CYFIP2: variants seen among roughly 807,000 people sequenced by gnomAD.
CYFIP2 encodes cytoplasmic FMR1-interacting protein 2.
CYFIP2 carries 29 observed loss-of-function variants against 158.7 expected under a neutral mutation model. That is an observed-to-expected ratio of 0.18 (90% CI 0.14 to 0.25). The LOEUF (loss-of-function observed/expected upper bound fraction) is 0.25, where lower values mean the gene tolerates loss of function less well. Ranked by LOEUF, CYFIP2 falls within the 10% of genes least tolerant of loss-of-function variation. CYFIP2 has a pLI of 1.00. For missense variants in CYFIP2, 852 were observed against 1,639.5 expected, an observed-to-expected ratio of 0.52 and a Z score of 8.29; for synonymous variants, 585 against 617.6, an observed-to-expected ratio of 0.95 and a Z score of 0.78.
intron 23 of CYFIP2, chr5:157,343,331 G>A: frequency 6.2e-7 from 1 of 1,614,186 alleles, no homozygotes; most frequent in Non-Finnish European, 8.5e-7. Context: ...GTAGAGAGTG[G>A]AAGGGGCAAG....
intron 26 of CYFIP2, chr5:157,363,254 G>A (rs1458986345): frequency 6.6e-6 from 1 of 152,230 alleles, no homozygotes; most frequent in Non-Finnish European, 1.5e-5. Flanking sequence ...ACTCTGGGAT[G>A]CCTCATTCTC....
intron 26 of CYFIP2, among the ~76,000 whole-genome samples, chr5:157,374,693 C>T (rs550837903): frequency 1.6e-4 from 24 of 152,316 alleles, no homozygotes; most frequent in African/African-American, 4.8e-4. Context: ...TGTAGCAAAG[C>T]CCAGGACACT....
intron 5 of CYFIP2, among the ~76,000 whole-genome samples, 186 bp from the exon 6 acceptor site, chr5:157,300,529 G>A (rs1332916042): frequency 7.6e-5 from 7 of 91,550 alleles, no homozygotes; most frequent in South Asian, 4.9e-4. Flanking sequence ...GCAAGACTCC[G>A]TCTCAAAAAA....
intron 4 of CYFIP2, among the ~76,000 whole-genome samples, chr5:157,295,063 C>T (rs1580994873): frequency 6.6e-6 from 1 of 152,320 alleles, no homozygotes; most frequent in Non-Finnish European, 1.5e-5. Flanking sequence ...GGACTTAAAA[C>T]ACATTTGTTC....
chr5:157,347,904 G>C (rs867340860), intron 23 of CYFIP2, among the ~76,000 whole-genome samples: 1 of 152,212 alleles, frequency 6.6e-6, no homozygotes, highest in Admixed American at 6.5e-5. Flanking sequence ...GGAGGCGGAG[G>C]CCAGGGTTCA....
chr5:157,268,929 T>C (rs1490413021), intron 1 of CYFIP2, among the ~76,000 whole-genome samples: 2 of 152,180 alleles, frequency 1.3e-5, no homozygotes, highest in Non-Finnish European at 2.9e-5. Flanking sequence ...TAGAATATCT[T>C]TGGATGCTCT....
chr5:157,326,599 A>G (rs560257065), intron 18 of CYFIP2, among the ~76,000 whole-genome samples: 2 of 152,356 alleles, frequency 1.3e-5, no homozygotes, highest in South Asian at 4.1e-4. Context: ...CCCTAGGGTC[A>G]CACACACCCA....
chr5:157,338,609 A>C (rs1361580146), intron 21 of CYFIP2, among the ~76,000 whole-genome samples: 2 of 151,974 alleles, frequency 1.3e-5, no homozygotes, highest in African/African-American at 4.9e-5. Flanking sequence ...TGGTTGAACC[A>C]GGCAAAATTG....
At chr5:157,376,697 G>A in intron 26 of CYFIP2, 1 of 245,608 alleles carries the variant, frequency 4.1e-6, no homozygotes, top group Non-Finnish European at 8.5e-6. Flanking sequence ...CATATAGTCA[G>A]AGGAACTGAA....
rs193236248 is a variant in CYFIP2 at position 157,290,246 on chromosome 5, G to A, written c.207+3138G>A. On this transcript the variant is annotated intron_variant, in intron 3 of 30. Coordinates refer to ENST00000620254, the MANE Select transcript of CYFIP2 (RefSeq NM_001037333.3). ...TAGTTTTGTAGGTCAGAAGTCTGAC[G>A]TGGGTCTTACTGAGTTAAAATCAGG... is the stretch of plus-strand genomic sequence containing the variant. Among the ~76,000 whole-genome samples the A allele has an allele frequency of 1.6e-3, 249 of 152,328 alleles. 1 individual carries two copies. Among genetic ancestry groups the A allele is most frequent in the African/African-American group, 5.5e-3 (229 of 41,572 alleles).
intron 9 of CYFIP2, among the ~76,000 whole-genome samples, chr5:157,308,537 T>C (rs1400402379): frequency 6.6e-6 from 1 of 152,198 alleles, no homozygotes; most frequent in Admixed American, 6.5e-5. Flanking sequence ...TATTCTAGCA[T>C]TGGGCACTGC....
intron 21 of CYFIP2, among the ~76,000 whole-genome samples, chr5:157,334,927 T>A (rs558985252): frequency 5.9e-5 from 9 of 152,358 alleles, no homozygotes; most frequent in African/African-American, 1.7e-4. Context: ...ATTTGATGAT[T>A]GCACTATGGT....
At chr5:157,364,506 C>T (rs1424699338) in intron 26 of CYFIP2, 1 of 152,172 alleles carries the variant, frequency 6.6e-6, no homozygotes, top group African/African-American at 2.4e-5. Context: ...AACTGAGAAC[C>T]AGAGAGAGGA....
chr5:157,312,171 C>T (rs988912235), intron 11 of CYFIP2, among the ~76,000 whole-genome samples: 2 of 151,912 alleles, frequency 1.3e-5, no homozygotes, highest in Non-Finnish European at 2.9e-5. Flanking sequence ...ACAGAACACT[C>T]GTACTCATAA....
At chr5:157,345,945 A>G (rs922946414) in intron 23 of CYFIP2, among the ~76,000 whole-genome samples, 2 of 152,168 alleles carry the variant, frequency 1.3e-5, no homozygotes, top group Non-Finnish European at 2.9e-5. Flanking sequence ...TCTTTGGCCA[A>G]TGGTTTTAAA....
Position 157,361,727 on chromosome 5 carries a change from A to G in CYFIP2, c.3039+129A>G. On this transcript the variant is annotated intron_variant, in intron 26 of 30. Coordinates refer to ENST00000620254, the MANE Select transcript of CYFIP2 (RefSeq NM_001037333.3). This position sits in a 1 kb window ranked among gnomAD's most constrained non-coding sequence, Gnocchi z 4.4. ...CAAGCTCACATGCTCTTTTCAGTTC[A>G]TTTCCAGACAGACATGGATTCTAGT... 1 of 1,172,972 alleles carries G rather than the reference A, an allele frequency of 8.5e-7. No homozygotes were observed. The highest frequency in any genetic ancestry group is 1.5e-5 in the South Asian group (1 of 65,674). 72.7% of individuals were successfully genotyped at this position (1,172,972 alleles called of 1,614,324 possible). A position where few individuals can be genotyped will look rare whatever the true frequency, so the allele number is the denominator to read the frequency against.
chr5:157,310,258 C>T lies in CYFIP2; in HGVS notation c.992+424C>T, dbSNP rs533986520. 5.3e-5 allele frequency among the ~76,000 whole-genome samples: 8 copies of T among 152,312 alleles called. No homozygotes were observed. The South Asian group carries it at 1.2e-3, about 24-fold the overall frequency. On this transcript the variant is annotated intron_variant, in intron 10 of 30. Coordinates refer to ENST00000620254, the MANE Select transcript of CYFIP2 (RefSeq NM_001037333.3). The stretch of plus-strand genomic sequence containing the variant: ...TGAATTGGGTGGGCAGCCTCACCTT[C>T]GGCCGCTTTATAAACCACAATTCTG...
At chr5:157,298,314 A>G (rs1758418710) in intron 5 of CYFIP2, among the ~76,000 whole-genome samples, 1 of 152,080 alleles carries the variant, frequency 6.6e-6, no homozygotes, top group Non-Finnish European at 1.5e-5. Context: ...TTGTACATTC[A>G]TCACGACAAT....
chr5:157,312,255 G>T (rs1191849299), intron 11 of CYFIP2, among the ~76,000 whole-genome samples: 1 of 151,152 alleles, frequency 6.6e-6, no homozygotes, highest in Non-Finnish European at 1.5e-5. Context: ...ATACTTAAGG[G>T]CAGATAAAGG....
Sources: gnomAD v4.1 joint callset for allele counts (sites outside exome capture counted in the v4.1 genomes callset) on GRCh38, gnomAD v4.1.1 for gene constraint, Gnocchi (gnomAD v3.1) non-coding constraint, MANE v1.5 for transcripts, NCBI Gene and HGNC (gene_info 2026-07-23, HGNC 2026-07-21) for gene names.